The following UNC5A variants were observed in gnomAD, a reference collection of about 807,000 sequenced individuals.
The protein encoded by UNC5A is netrin receptor UNC5A.
UNC5A carries 20 observed loss-of-function variants against 87.4 expected under a neutral mutation model. That is an observed-to-expected ratio of 0.23 (90% CI 0.16 to 0.33). UNC5A has a LOEUF of 0.33. Among genes scored for constraint, UNC5A ranks in the 10% least tolerant of loss-of-function variants. UNC5A has a pLI of 1.00. For missense variants in UNC5A, 844 were observed against 1,133.4 expected (o/e 0.74, Z 3.67); for synonymous variants, 438 against 482.3 (o/e 0.91, Z 1.20).
chr5:176,868,893 C>T lies in UNC5A; in HGVS notation c.650C>T (p.Ala217Val). ...CGACAGGCCCGCCTTGCTGACACGG[C>T]CAACTACACCTGCGTGGCCAAGAAC... Reference protein sequence around the residue: ...VVRQARLADTANYTCVAKNIV... With the variant: ...VVRQARLADTVNYTCVAKNIV... Residue 217 changes from alanine to valine, a missense_variant, in exon 5 of 15, where the codon GCC (alanine) becomes GTC (valine). This residue lies in a region of UNC5A where 314 missense variants were observed against 466.5 expected (regional missense o/e 0.67). Transcript: ENST00000329542. 6.2e-7 allele frequency: 1 copy of T among 1,612,828 alleles called. No homozygotes were observed. The highest frequency in any genetic ancestry group is 8.5e-7 in the Non-Finnish European group (1 of 1,179,864).
intron 2 of UNC5A, among the ~76,000 whole-genome samples, chr5:176,864,071 C>T (rs1007504876): frequency 2.6e-5 from 4 of 151,914 alleles, no homozygotes; most frequent in Non-Finnish European, 5.9e-5. Flanking sequence ...GCTCAAGCCA[C>T]AGTGCAGCTG....
rs554616376 is a variant in UNC5A at position 176,870,296 on chromosome 5, G to A, written c.722-74G>A. The A allele has an allele frequency of 1.1e-3, 1,662 of 1,558,108 alleles. 3 individuals are homozygous for A. Among genetic ancestry groups the A allele is most frequent in the Non-Finnish European group, 1.2e-3 (1,421 of 1,147,396 alleles). Reference sequence around the variant, plus strand: ...CTGCCTGGTCTGGTTGCCCAGAGGGGCCACACTGGCAGACTGCCGGGGTGG... The same window carrying A: ...CTGCCTGGTCTGGTTGCCCAGAGGGACCACACTGGCAGACTGCCGGGGTGG... On this transcript the variant is annotated intron_variant, in intron 5 of 14. Transcript: ENST00000329542.
At chr5:176,851,063 G>A (rs1757530531) in intron 1 of UNC5A, among the ~76,000 whole-genome samples, 1 of 152,210 alleles carries the variant, frequency 6.6e-6, no homozygotes. Context: ...GTTGGCCGGT[G>A]CCTAGCACGG....
intron 1 of UNC5A, among the ~76,000 whole-genome samples, chr5:176,846,936 G>A (rs1172447751): frequency 6.6e-6 from 1 of 152,158 alleles, no homozygotes; most frequent in Non-Finnish European, 1.5e-5. Flanking sequence ...AGGGGCGGAC[G>A]TGCTTGGGAG....
At chr5:176,868,695 C>T (rs1459344749) in intron 4 of UNC5A, 31 bp downstream of exon 4, 3 of 1,591,886 alleles carry the variant, frequency 1.9e-6, no homozygotes, top group Non-Finnish European at 2.6e-6. Context: ...CACGTCTGGA[C>T]CTGGGCTCCT....
In UNC5A at chr5:176,877,954, A is replaced by G. The variant is rs540125155; in HGVS notation, c.1696A>G (p.Ser566Gly). 6.2e-6 allele frequency: 10 copies of G among 1,604,246 alleles called. No homozygotes were observed. The African/African-American group carries it at 1.2e-4, about 19-fold the overall frequency. ...CCTCTACTACTGCCAGCTGGAGGCC[A>G]GTGCCTGCTACGTCTTCACCGAGCA... ...SHLYYCQLEA[S>G]ACYVFTEQLG... The change falls in exon 11 of 15, where the codon AGT becomes GGT. Residue 566 changes from serine to glycine, a missense_variant. This residue lies in a region of UNC5A where 353 missense variants were observed against 387.5 expected (regional missense o/e 0.91). Coordinates refer to ENST00000329542, the MANE Select transcript of UNC5A (RefSeq NM_133369.3).
chr5:176,877,743 G>A, intron 10 of UNC5A, 40 bp downstream of exon 10: 1 of 1,557,634 alleles, frequency 6.4e-7, no homozygotes, highest in Non-Finnish European at 8.7e-7. Flanking sequence ...AGGGAACGTG[G>A]GCTAACTGCA....
chr5:176,876,246 A>G (rs1758259214), intron 8 of UNC5A, among the ~76,000 whole-genome samples: 1 of 152,202 alleles, frequency 6.6e-6, no homozygotes, highest in Non-Finnish European at 1.5e-5. Context: ...TACAGCTGGG[A>G]CCGCGGGGCA....
rs1303191629 is a variant in UNC5A at position 176,880,786 on chromosome 5, G to A, written c.*900G>A. The stretch of plus-strand genomic sequence containing the variant: ...AGCTCGTGTCCTGACTTTGTCTTAA[G>A]TGCATTCACGCACTTACTCTTGGCC... On this transcript the variant is annotated 3_prime_UTR_variant, in exon 15 of 15. Transcript: ENST00000329542. 2 of 306,578 alleles carry A rather than the reference G, an allele frequency of 6.5e-6. No individual in the cohort carries two copies. The highest frequency in any genetic ancestry group is 6.0e-6 in the Non-Finnish European group (1 of 167,926). The allele number at this position is 306,578 out of a possible 1,614,324, so 19.0% of individuals were successfully genotyped here.
chr5:176,874,472 C>G lies in UNC5A; in HGVS notation c.1284C>G (p.Thr428=), dbSNP rs753488327. ...AGGAGTTCGTCTCCCGCCTCTCCACCCAGAACTACTTCCGCTCCCTGCCCC... is the reference window on the plus strand; with the variant it reads ...AGGAGTTCGTCTCCCGCCTCTCCACGCAGAACTACTTCCGCTCCCTGCCCC... ...EAEEFVSRLS[T]QNYFRSLPRG... Residue 428 remains threonine (T), a synonymous_variant, in exon 8 of 15, where the codon ACC becomes ACG. Transcript: ENST00000329542. This position sits in a 1 kb window ranked among gnomAD's most constrained non-coding sequence, Gnocchi z 7.6. 2 of 1,613,472 alleles carry G rather than the reference C, an allele frequency of 1.2e-6. No individual in the cohort carries two copies. The highest frequency in any genetic ancestry group is 2.2e-5 in the East Asian group (1 of 44,866).
intron 1 of UNC5A, among the ~76,000 whole-genome samples, chr5:176,820,495 T>C (rs529326951): frequency 1.3e-5 from 2 of 152,326 alleles, no homozygotes; most frequent in African/African-American, 4.8e-5. Flanking sequence ...TGCTCATATA[T>C]CTGCATTTGG....
At chr5:176,818,057 C>T (rs1432255180) in intron 1 of UNC5A, among the ~76,000 whole-genome samples, 3 of 152,020 alleles carry the variant, frequency 2.0e-5, no homozygotes, top group Non-Finnish European at 4.4e-5. Context: ...CCGGGCACCG[C>T]CGCGCGGCCG....
intron 1 of UNC5A, among the ~76,000 whole-genome samples, chr5:176,858,687 A>G (rs1003137395): frequency 7.0e-6 from 1 of 143,034 alleles, no homozygotes; most frequent in African/African-American, 2.6e-5. Context: ...TTGATGGACA[A>G]GTACATGGAA....
intron 1 of UNC5A, among the ~76,000 whole-genome samples, chr5:176,858,728 A>AAGGG (rs1757730016): frequency 1.4e-5 from 1 of 73,388 alleles, no homozygotes. Context: ...AGAGAGAAGG[A>AAGGG]AGGAAGGAAG....
rs1271247162 is a variant in UNC5A at position 176,877,956 on chromosome 5, T to C, written c.1698T>C (p.Ser566=). The change falls in exon 11 of 15, where the codon AGT becomes AGC. Residue 566 remains serine, a synonymous_variant. Transcript: ENST00000329542. ...SHLYYCQLEA[S]ACYVFTEQLG... ...TCTACTACTGCCAGCTGGAGGCCAG[T>C]GCCTGCTACGTCTTCACCGAGCAGC... 1 of 1,604,304 alleles carries C rather than the reference T, an allele frequency of 6.2e-7. No individual in the cohort carries two copies. The highest frequency in any genetic ancestry group is 1.7e-5 in the Admixed American group (1 of 60,002).
Position 176,870,455 on chromosome 5 carries a change from A to T in UNC5A, c.807A>T (p.Pro269=). 6.2e-7 allele frequency: 1 copy of T among 1,611,772 alleles called. No homozygotes were observed. The highest frequency in any genetic ancestry group is 8.5e-7 in the Non-Finnish European group (1 of 1,179,070). ...THWRSRECSD[P]APRNGGEECQ... is the part of the protein sequence containing the mutation. The stretch of plus-strand genomic sequence containing the variant: ...GGCGGAGCCGTGAGTGCTCTGACCC[A>T]GCACCCCGCAACGGAGGGGAGGAGT... Residue 269 remains proline (P), a synonymous_variant, in exon 6 of 15, where the codon CCA becomes CCT. Coordinates refer to ENST00000329542, the MANE Select transcript of UNC5A (RefSeq NM_133369.3).
intron 1 of UNC5A, among the ~76,000 whole-genome samples, chr5:176,835,360 G>T (rs1431350598): frequency 2.6e-5 from 4 of 152,274 alleles, no homozygotes; most frequent in Admixed American, 1.3e-4. Flanking sequence ...GCCCAGTCCA[G>T]TGTGTGTGTC....
At chr5:176,840,147 G>A (rs139105241) in intron 1 of UNC5A, among the ~76,000 whole-genome samples, 307 of 152,294 alleles carry the variant, frequency 2.0e-3, no homozygotes, top group African/African-American at 7.0e-3. Context: ...GTGAGCCACC[G>A]CGCCTGGCCT....
intron 13 of UNC5A, 35 bp from the exon 14 acceptor site, chr5:176,879,275 G>A: frequency 6.4e-7 from 1 of 1,552,874 alleles, no homozygotes; most frequent in South Asian, 1.2e-5. Context: ...CCTGGGGAAA[G>A]TTCTAACAGG....
Sources: gnomAD v4.1 joint callset for allele counts (sites outside exome capture counted in the v4.1 genomes callset) on GRCh38, gnomAD v4.1.1 for gene constraint, gnomAD v4.1.1 regional missense constraint, Gnocchi (gnomAD v3.1) non-coding constraint, MANE v1.5 for transcripts, NCBI Gene and HGNC (gene_info 2026-07-23, HGNC 2026-07-21) for gene names.